NUP98: variants seen among roughly 807,000 people sequenced by gnomAD.
The protein encoded by NUP98 is nuclear pore complex protein Nup98-Nup96.
Under a neutral mutation model 191.9 loss-of-function variants are expected in NUP98, and 26 were observed. The ratio of observed to expected loss-of-function variants is 0.14; its 90% CI spans 0.10 to 0.19. The LOEUF is 0.19. Among genes scored for constraint, NUP98 ranks in the 10% least tolerant of loss-of-function variants. NUP98 has a pLI of 1.00. For synonymous variants in NUP98, 808 were observed against 778.4 expected (o/e 1.04, Z -0.63); for missense variants, 1,941 against 2,178.8 (o/e 0.89, Z 2.17).
intron 25 of NUP98, chr11:3,697,003 C>G (rs1023366537): frequency 7.2e-5 from 11 of 152,064 alleles, no homozygotes; most frequent in African/African-American, 2.7e-4. Flanking sequence ...TCCTCTCCTA[C>G]TACATGTTGG....
intron 12 of NUP98, among the ~76,000 whole-genome samples, chr11:3,740,099 A>C (rs1378449699): frequency 6.6e-6 from 1 of 152,184 alleles, no homozygotes; most frequent in Admixed American, 6.6e-5. Flanking sequence ...ATGTTGTCCA[A>C]GGGTCTACTA....
chr11:3,797,130 A>G (rs1202697119), intron 1 of NUP98, among the ~76,000 whole-genome samples: 2 of 152,234 alleles, frequency 1.3e-5, no homozygotes, highest in Non-Finnish European at 2.9e-5. Flanking sequence ...GAGTACAACC[A>G]GACAGACACC....
chr11:3,742,235 T>C (rs891260122), intron 12 of NUP98, among the ~76,000 whole-genome samples: 3 of 152,070 alleles, frequency 2.0e-5, no homozygotes, highest in African/African-American at 4.8e-5. Flanking sequence ...CCAGGGAAAA[T>C]AGGAATCAGA....
chr11:3,769,808 G>A (rs967925359), intron 7 of NUP98, among the ~76,000 whole-genome samples: 9 of 151,948 alleles, frequency 5.9e-5, no homozygotes, highest in African/African-American at 1.9e-4. Flanking sequence ...ACTTTGAGAG[G>A]CCGAGGCGGG....
At position 3,744,654 on chromosome 11, in the gene NUP98, G is replaced by A. The variant is rs202204682; in HGVS notation, c.1268-5C>T. 1,156 of 1,593,572 alleles carry A rather than the reference G, an allele frequency of 7.3e-4. 3 individuals carry two copies. The highest frequency in any genetic ancestry group is 3.1e-3 in the South Asian group (276 of 87,634). On this transcript the variant is annotated splice_polypyrimidine_tract_variant and splice_region_variant and intron_variant, in intron 11 of 32. Transcript: ENST00000324932. ...ATGCCTGTCCAGCACCAAGAGCTACGGAGACAAGAGGAAAGAAAAAAGCAC... is the reference window on the plus strand; with the variant it reads ...ATGCCTGTCCAGCACCAAGAGCTACAGAGACAAGAGGAAAGAAAAAAGCAC...
At chr11:3,753,436 G>A (rs2080840598) in intron 10 of NUP98, 28 bp from the exon 11 acceptor site, 1 of 1,545,172 alleles carries the variant, frequency 6.5e-7, no homozygotes, top group Non-Finnish European at 8.9e-7. Context: ...TGAGTGGATT[G>A]TACTTTTAAT....
chr11:3,766,962 T>TTTTG (rs1051096627), intron 8 of NUP98, among the ~76,000 whole-genome samples: 2 of 152,050 alleles, frequency 1.3e-5, no homozygotes, highest in Non-Finnish European at 2.9e-5. Flanking sequence ...TATGATCCTT[T>TTTTG]TTTGTTTGTT....
intron 9 of NUP98, among the ~76,000 whole-genome samples, chr11:3,762,108 T>C (rs2081190574): frequency 6.6e-6 from 1 of 152,158 alleles, no homozygotes; most frequent in South Asian, 2.1e-4. Context: ...AGGGACTTTG[T>C]GTTCCTTTTT....
At chr11:3,680,578 C>T (rs540723016) in intron 30 of NUP98, among the ~76,000 whole-genome samples, 29 of 152,288 alleles carry the variant, frequency 1.9e-4, no homozygotes, top group Middle Eastern at 3.4e-3. Context: ...GTCTCACTCT[C>T]TCACTCAGGC....
intron 23 of NUP98, 122 bp downstream of exon 23, chr11:3,702,326 CTCTCTCTCTCTCTCT>C (rs1372669377): frequency 0.021 from 4,413 of 209,582 alleles, 140 homozygotes; most frequent in East Asian, 0.077. Flanking sequence ...CTCTCTCTCT[CTCTCTCTCTCTCTCT>C]CTCTCTCTCT....
At chr11:3,770,894 T>C (rs1211433228) in intron 7 of NUP98, among the ~76,000 whole-genome samples, 1 of 152,136 alleles carries the variant, frequency 6.6e-6, no homozygotes, top group African/African-American at 2.4e-5. Context: ...AGATGGAGTC[T>C]TGCTGTCACC....
intron 11 of NUP98, 110 bp downstream of exon 11, chr11:3,753,206 A>C (rs965910982): frequency 2.1e-6 from 2 of 932,440 alleles, no homozygotes; most frequent in Non-Finnish European, 3.4e-6. Flanking sequence ...GGAAAAACGA[A>C]AAGGTAGACT....
At chr11:3,702,307 ACACACACTCTCTCTCTCTCTCT>A (rs2078714099) in intron 23 of NUP98, among the ~76,000 whole-genome samples, 134 bp downstream of exon 23, 4 of 57,998 alleles carry the variant, frequency 6.9e-5, no homozygotes, top group African/African-American at 1.9e-4. Context: ...ACACACACAC[ACACACACTCTCTCTCTCTCTCT>A]CTCTCTCTCT....
At position 3,714,009 on chromosome 11, in the gene NUP98, C is replaced by T. The variant is rs61879797; in HGVS notation, c.2400-14G>A. Reference sequence around the variant, plus strand: ...ACTTCAGCCTTCCTGTAAAACATAACCAATTAAAGTAACCAATTAAAGTAA... The same window carrying T: ...ACTTCAGCCTTCCTGTAAAACATAATCAATTAAAGTAACCAATTAAAGTAA... On this transcript the variant is annotated splice_polypyrimidine_tract_variant and intron_variant, in intron 18 of 32. Coordinates refer to ENST00000324932, the MANE Select transcript of NUP98 (RefSeq NM_016320.5). The T allele has an allele frequency of 0.062, 99,588 of 1,611,252 alleles. 3,517 individuals carry two copies. Among genetic ancestry groups the T allele is most frequent in the Middle Eastern group, 0.081 (492 of 6,054 alleles).
At chr11:3,691,214 C>T in intron 28 of NUP98, 133 bp downstream of exon 28, 1 of 890,168 alleles carries the variant, frequency 1.1e-6, no homozygotes, top group Non-Finnish European at 1.7e-6. Flanking sequence ...CATTCAACTA[C>T]TTTAAGTTAT....
Position 3,695,790 on chromosome 11 carries a change from T to C in NUP98, c.4010-184A>G, listed in dbSNP as rs375563535. Among the ~76,000 whole-genome samples the C allele has an allele frequency of 7.5e-4, 114 of 152,144 alleles. 1 individual carries two copies. In the South Asian group the frequency reaches 0.023, roughly 31 times the overall value. ...ACCATTTTCTGCTTGGATAGAAAAT[T>C]TGCAAAGTAGTTTAACCTAAATTAC... On this transcript the variant is annotated intron_variant, in intron 25 of 32. Transcript: ENST00000324932.
In NUP98 at chr11:3,780,534, T is replaced by G. The variant is rs1365708289; in HGVS notation, c.77-1277A>C. On this transcript the variant is annotated intron_variant, in intron 2 of 32. Transcript: ENST00000324932. Reference sequence around the variant, plus strand: ...TCCATCCTGGGTGACAGAGCGAGACTCCATCTCAAAAAAAAAAAAAAAAAA... The same window carrying G: ...TCCATCCTGGGTGACAGAGCGAGACGCCATCTCAAAAAAAAAAAAAAAAAA... Among the ~76,000 whole-genome samples, 7 of 88,842 alleles carry G rather than the reference T, an allele frequency of 7.9e-5. No individual in the cohort carries two copies. The East Asian group carries it at 2.4e-3, about 30-fold the overall frequency. The allele number at this position is 88,842 out of a possible 152,430, so 58.3% of individuals were successfully genotyped here. A position where few individuals can be genotyped will look rare whatever the true frequency, so the allele number is the denominator to read the frequency against.
chr11:3,739,763 C>G (rs1387670114), intron 12 of NUP98, among the ~76,000 whole-genome samples: 2 of 151,998 alleles, frequency 1.3e-5, no homozygotes, highest in Admixed American at 6.6e-5. Flanking sequence ...GAGGACTGAT[C>G]AAGCAGGATA....
rs1315389069 is a variant in NUP98 at position 3,706,493 on chromosome 11, G to C, written c.2877C>G (p.Ala959=). ...SMPEDQEPVS[A]STHIASSLGI... ...CCAGTGAAGATGCAATATGTGTTGA[G>C]GCAGACACAGGTTCCTGATCCTCAG... is the stretch of plus-strand genomic sequence containing the variant. Residue 959 remains alanine (A), a synonymous_variant, in exon 21 of 33, where the codon GCC becomes GCG. Transcript: ENST00000324932. 13 of 1,613,972 alleles carry C rather than the reference G, an allele frequency of 8.1e-6. No individual in the cohort carries two copies. The highest frequency in any genetic ancestry group is 1.6e-4 in the Middle Eastern group (1 of 6,084).
Sources: allele counts gnomAD v4.1 joint callset (sites outside exome capture counted in the v4.1 genomes callset), GRCh38; gene constraint gnomAD v4.1.1; transcripts MANE v1.5; gene names NCBI Gene and HGNC (gene_info 2026-07-23, HGNC 2026-07-21).